PTBP3: variants seen among roughly 807,000 people sequenced by gnomAD.
PTBP3 encodes the protein polypyrimidine tract binding protein 3, also known as polypyrimidine tract-binding protein 3.
Under a neutral mutation model 58.7 loss-of-function variants are expected in PTBP3, and 20 were observed. The observed-to-expected ratio is 0.34, with a 90% CI of 0.24 to 0.50. The LOEUF is 0.50. Ranked by LOEUF, PTBP3 falls within the 20% of genes least tolerant of loss-of-function variation. The pLI is 0.98. For synonymous variants in PTBP3, 185 were observed against 219.8 expected (o/e 0.84, Z 1.40); for missense variants, 509 against 637.2 (o/e 0.80, Z 2.17).
At chr9:112,297,363 C>A (rs1373655763) in intron 2 of PTBP3, among the ~76,000 whole-genome samples, 1 of 152,124 alleles carries the variant, frequency 6.6e-6, no homozygotes, top group Non-Finnish European at 1.5e-5. Context: ...CGCCATCACA[C>A]CCAGCTAATT....
chr9:112,322,767 T>C (rs1332111123), intron 1 of PTBP3, among the ~76,000 whole-genome samples: 2 of 152,212 alleles, frequency 1.3e-5, no homozygotes, highest in Non-Finnish European at 1.5e-5. Flanking sequence ...TGGTTTAAAA[T>C]AACAACTTTA....
In PTBP3 at chr9:112,223,247, G is replaced by GA; in HGVS notation, c.*603dup. 1 of 941,484 alleles carries GA rather than the reference G, an allele frequency of 1.1e-6. No individual in the cohort carries two copies. The highest frequency in any genetic ancestry group is 1.3e-6 in the Non-Finnish European group (1 of 789,756). 58.3% of individuals were successfully genotyped at this position (941,484 alleles called of 1,614,324 possible). A position where few individuals can be genotyped will look rare whatever the true frequency, so the allele number is the denominator to read the frequency against. The stretch of plus-strand genomic sequence containing the variant: ...ATTATTTAAAGGAGTGTCTTACAGT[G>GA]AAAAAAAGAAATCATTCAAAGAAAA... On this transcript the variant is annotated 3_prime_UTR_variant, in exon 14 of 14. Transcript: ENST00000374257.
chr9:112,332,962 C>A, intron 1 of PTBP3: 1 of 1,427,930 alleles, frequency 7.0e-7, no homozygotes, highest in Non-Finnish European at 9.2e-7. Flanking sequence ...CCATGGCTTG[C>A]GACCAGGTCG....
chr9:112,374,039 T>C, the PTBP3 span, among the ~76,000 whole-genome samples: 57 of 152,316 alleles, frequency 3.7e-4, 1 homozygote, highest in South Asian at 0.012. Flanking sequence ...GGGCCATTTA[T>C]AGTCCTGCTT....
chr9:112,306,173 C>G (rs762432997), intron 1 of PTBP3, among the ~76,000 whole-genome samples: 1 of 151,112 alleles, frequency 6.6e-6, no homozygotes, highest in Non-Finnish European at 1.5e-5. Context: ...ATTTTTTAAA[C>G]TTTTTTTTTG....
At chr9:112,226,820 T>C (rs1284201901) in intron 12 of PTBP3, among the ~76,000 whole-genome samples, 2 of 152,202 alleles carry the variant, frequency 1.3e-5, no homozygotes, top group African/African-American at 4.8e-5. Context: ...CATTTTAAAA[T>C]GTAAAAATCA....
At chr9:112,285,818 T>C (rs1190432104) in intron 2 of PTBP3, among the ~76,000 whole-genome samples, 1 of 152,232 alleles carries the variant, frequency 6.6e-6, no homozygotes, top group African/African-American at 2.4e-5. Flanking sequence ...TGGGATGGAT[T>C]TGGCCCACAG....
chr9:112,239,177 A>T (rs547253392), intron 7 of PTBP3, among the ~76,000 whole-genome samples: 2 of 152,346 alleles, frequency 1.3e-5, no homozygotes, highest in Admixed American at 6.5e-5. Context: ...AAAATGTTTG[A>T]AAGTTAAAAA....
At chr9:112,334,833 C>T (rs986077472), upstream of PTBP3, among the ~76,000 whole-genome samples, 3 of 152,186 alleles carry the variant, frequency 2.0e-5, no homozygotes, top group African/African-American at 7.2e-5. Flanking sequence ...TGAATGGATT[C>T]TTCAGTCCGT....
chr9:112,253,412 TGAGAAGAAAAGAGTGAGGG>T (rs2132086271), intron 5 of PTBP3, among the ~76,000 whole-genome samples: 1 of 152,260 alleles, frequency 6.6e-6, no homozygotes, highest in African/African-American at 2.4e-5. Context: ...AAGTGTCTTT[TGAGAAGAAAAGAGTGAGGG>T]GAAGGCTTCC....
chr9:112,343,348 A>G, the PTBP3 span, among the ~76,000 whole-genome samples: 4 of 150,384 alleles, frequency 2.7e-5, no homozygotes, highest in African/African-American at 9.8e-5. Context: ...AGCTGGGATT[A>G]CAGGTGCCTG....
At chr9:112,287,688 A>T (rs577557618) in intron 2 of PTBP3, among the ~76,000 whole-genome samples, 1 of 152,166 alleles carries the variant, frequency 6.6e-6, no homozygotes, top group African/African-American at 2.4e-5. Context: ...CTATCTTCAA[A>T]TTCACTGATG....
chr9:112,226,300 G>A (rs1256030558), intron 12 of PTBP3, among the ~76,000 whole-genome samples: 2 of 151,926 alleles, frequency 1.3e-5, no homozygotes, highest in Non-Finnish European at 2.9e-5. Context: ...CCAGCAGGGA[G>A]GCCGGATATT....
At chr9:112,294,506 A>AGACCC (rs1164656424) in intron 2 of PTBP3, among the ~76,000 whole-genome samples, 1 of 152,194 alleles carries the variant, frequency 6.6e-6, no homozygotes, top group Non-Finnish European at 1.5e-5. Context: ...AAACAGACCA[A>AGACCC]GACCCTGTTT....
At chr9:112,230,546 G>A (rs1174037852) in intron 10 of PTBP3, among the ~76,000 whole-genome samples, 1 of 152,018 alleles carries the variant, frequency 6.6e-6, no homozygotes, top group Non-Finnish European at 1.5e-5. Context: ...AATTATTGAA[G>A]TACAGCAACA....
Position 112,268,310 on chromosome 9 carries a change from T to C in PTBP3, c.205-115A>G, listed in dbSNP as rs4500150. 8.4e-4 allele frequency: 844 copies of C among 1,003,888 alleles called. 6 individuals carry two copies. In the African/African-American group the frequency reaches 0.013, roughly 15 times the overall value. 62.2% of individuals were successfully genotyped at this position (1,003,888 alleles called of 1,614,324 possible). On this transcript the variant is annotated intron_variant, in intron 3 of 13. Coordinates refer to ENST00000374257, the MANE Select transcript of PTBP3 (RefSeq NM_001163788.4). ...ATGCACTCTCAAGTAAAATGACATT[T>C]CCCCCAAGGGGAGGGAAAAACAAAA...
At position 112,333,476 on chromosome 9, in the gene PTBP3, A is replaced by G; in HGVS notation, c.-58T>C. On this transcript the variant is annotated 5_prime_UTR_variant, in exon 1 of 14. An upstream start codon of the reference 5' UTR is lost. Transcript: ENST00000374257. ...CGCGCCGCCTAGTACTTACCCATCC[A>G]TGGCCCAGATGGAGGCGCGCACAGA... is the stretch of plus-strand genomic sequence containing the variant. The G allele has an allele frequency of 6.3e-7, 1 of 1,589,848 alleles. No homozygotes were observed. The highest frequency in any genetic ancestry group is 8.6e-7 in the Non-Finnish European group (1 of 1,168,866).
rs568441567 is a variant in PTBP3 at position 112,222,713 on chromosome 9, A to G, written c.*1138T>C. 6 of 980,294 alleles carry G rather than the reference A, an allele frequency of 6.1e-6. No individual in the cohort carries two copies. In the East Asian group the frequency reaches 6.8e-4, roughly 112 times the overall value. 60.7% of individuals were successfully genotyped at this position (980,294 alleles called of 1,614,324 possible). ...CCTTACCAAAACAGAGAAAGAAAAA[A>G]CAAAATGCTTACCAAGCCCACAATA... On this transcript the variant is annotated 3_prime_UTR_variant, in exon 14 of 14. Coordinates refer to ENST00000374257, the MANE Select transcript of PTBP3 (RefSeq NM_001163788.4).
At chr9:112,273,598 T>A (rs1336502884) in intron 3 of PTBP3, among the ~76,000 whole-genome samples, 1 of 152,208 alleles carries the variant, frequency 6.6e-6, no homozygotes, top group East Asian at 1.9e-4. Flanking sequence ...AACCGAAAAT[T>A]TCATGTGCTA....
Sources: allele counts gnomAD v4.1 joint callset (sites outside exome capture counted in the v4.1 genomes callset), GRCh38; gene constraint gnomAD v4.1.1; transcripts MANE v1.5; gene names NCBI Gene and HGNC (gene_info 2026-07-23, HGNC 2026-07-21).